EYS: variants seen among roughly 807,000 people sequenced by gnomAD.
The protein encoded by EYS is protein eyes shut homolog.
In EYS, 250 loss-of-function variants were observed where a neutral mutation model predicts 282.1. That is an observed-to-expected ratio of 0.89 (90% CI 0.80 to 0.98). The LOEUF (loss-of-function observed/expected upper bound fraction) is 0.98, where lower values mean the gene tolerates loss of function less well. EYS is among the 50% of genes least tolerant of loss of function. The pLI is 0.00. For synonymous variants in EYS, 1,355 were observed against 1,282.9 expected (o/e 1.06, Z -1.20); for missense variants, 4,016 against 3,709.0 (o/e 1.08, Z -2.15).
At chr6:64,019,674 G>T (rs1394767346) in intron 33 of EYS, among the ~76,000 whole-genome samples, 3 of 151,946 alleles carry the variant, frequency 2.0e-5, no homozygotes, top group African/African-American at 7.2e-5. Context: ...CTCTCAAAGT[G>T]CTGGGATTAC....
At chr6:64,294,460 A>G (rs1261530588) in intron 30 of EYS, among the ~76,000 whole-genome samples, 5 of 152,252 alleles carry the variant, frequency 3.3e-5, no homozygotes, top group Admixed American at 1.3e-4. Flanking sequence ...TCTCAATAAC[A>G]GAACCTCAGT....
At chr6:63,915,602 CAA>C (rs1764402320) in intron 35 of EYS, among the ~76,000 whole-genome samples, 1 of 152,172 alleles carries the variant, frequency 6.6e-6, no homozygotes, top group African/African-American at 2.4e-5. Context: ...ATGGACTAGG[CAA>C]AGTCAGTTGA....
chr6:64,700,219 C>G (rs1374386906), intron 22 of EYS, among the ~76,000 whole-genome samples: 1 of 151,768 alleles, frequency 6.6e-6, no homozygotes, highest in Non-Finnish European at 1.5e-5. Flanking sequence ...AACCAGACAT[C>G]AAAATAACAT....
chr6:64,249,518 C>T (rs1470036011), intron 30 of EYS, among the ~76,000 whole-genome samples: 2 of 151,956 alleles, frequency 1.3e-5, no homozygotes, highest in African/African-American at 4.8e-5. Context: ...TGCTTGTACT[C>T]CATACATTTA....
Position 63,993,258 on chromosome 6 carries a change from T to C in EYS, c.6834+5817A>G, listed in dbSNP as rs117973966. Among the ~76,000 whole-genome samples the C allele has an allele frequency of 1.2e-4, 18 of 151,830 alleles. No homozygotes were observed. The East Asian group carries it at 3.5e-3, about 29-fold the overall frequency. On this transcript the variant is annotated intron_variant, in intron 34 of 42. Coordinates refer to ENST00000503581, the MANE Select transcript of EYS (RefSeq NM_001142800.2). ...TTCAAGTTGAGGAACAAGATAAGGA[T>C]GCCCACTCACTGCTTTTATTGAGCA...
chr6:65,438,995 A>G (rs555100475), intron 5 of EYS, among the ~76,000 whole-genome samples: 4 of 152,190 alleles, frequency 2.6e-5, no homozygotes, highest in Admixed American at 6.6e-5. Flanking sequence ...TAGGTCTAAC[A>G]TTTAAGTCTT....
intron 15 of EYS, 42 bp from the exon 16 acceptor site, chr6:64,912,785 T>G (rs1241427540): frequency 1.6e-6 from 2 of 1,271,206 alleles, no homozygotes; most frequent in Non-Finnish European, 2.1e-6. Flanking sequence ...TGAACTCTTT[T>G]TCAAGTTTAT....
chr6:64,852,929 C>T (rs1414897611), intron 19 of EYS, among the ~76,000 whole-genome samples: 1 of 152,102 alleles, frequency 6.6e-6, no homozygotes, highest in Non-Finnish European at 1.5e-5. Flanking sequence ...TTTTAAATCA[C>T]CCAGTTTCTG....
chr6:64,166,474 A>G (rs758129330), intron 31 of EYS, among the ~76,000 whole-genome samples: 19 of 152,176 alleles, frequency 1.2e-4, no homozygotes, highest in Non-Finnish European at 2.4e-4. Flanking sequence ...ACTTCAATCA[A>G]TAGGGTATTT....
At chr6:64,232,111 T>C (rs1203619436) in intron 30 of EYS, among the ~76,000 whole-genome samples, 1 of 152,106 alleles carries the variant, frequency 6.6e-6, no homozygotes, top group Non-Finnish European at 1.5e-5. Context: ...TACTGATACA[T>C]TAATGTGCAG....
At chr6:64,109,459 G>T (rs1011815940) in intron 31 of EYS, among the ~76,000 whole-genome samples, 3 of 151,790 alleles carry the variant, frequency 2.0e-5, no homozygotes, top group Non-Finnish European at 2.9e-5. Flanking sequence ...ATAATTTTTA[G>T]TTTGCTATAT....
intron 30 of EYS, among the ~76,000 whole-genome samples, chr6:64,283,807 A>G (rs1768396182): frequency 6.6e-6 from 1 of 152,116 alleles, no homozygotes; most frequent in Non-Finnish European, 1.5e-5. Context: ...GGTGGTGGCA[A>G]GAGAAAATAA....
intron 32 of EYS, among the ~76,000 whole-genome samples, chr6:64,071,238 T>C (rs1037206578): frequency 1.3e-4 from 20 of 151,926 alleles, no homozygotes; most frequent in Admixed American, 1.2e-3. Flanking sequence ...GAGAAAATAA[T>C]TTAATATTTA....
chr6:65,442,836 A>G (rs1486539432), intron 5 of EYS, among the ~76,000 whole-genome samples: 1 of 101,660 alleles, frequency 9.8e-6, no homozygotes, highest in Non-Finnish European at 2.5e-5. Context: ...ACATATATAC[A>G]TACATATACA....
chr6:64,643,541 G>A (rs1222317842), intron 22 of EYS, among the ~76,000 whole-genome samples: 1 of 152,048 alleles, frequency 6.6e-6, no homozygotes, highest in Non-Finnish European at 1.5e-5. Flanking sequence ...GTAGGGAAGT[G>A]TGTGGTGTTA....
At chr6:64,348,941 A>G (rs1771516051) in intron 29 of EYS, among the ~76,000 whole-genome samples, 1 of 151,462 alleles carries the variant, frequency 6.6e-6, no homozygotes, top group East Asian at 2.0e-4. Context: ...TACATCCTGT[A>G]GTTTTACCCA....
At chr6:65,132,490 G>A (rs1775906204) in intron 12 of EYS, among the ~76,000 whole-genome samples, 1 of 151,840 alleles carries the variant, frequency 6.6e-6, no homozygotes, top group Non-Finnish European at 1.5e-5. Context: ...ATGCATAAAA[G>A]GCTTTCAATA....
intron 8 of EYS, among the ~76,000 whole-genome samples, chr6:65,355,340 T>C (rs1353266801): frequency 6.6e-6 from 1 of 152,032 alleles, no homozygotes; most frequent in East Asian, 1.9e-4. Flanking sequence ...AAAAACCACC[T>C]GTACCCCCAA....
chr6:64,025,428 C>T (rs901913380), intron 33 of EYS, among the ~76,000 whole-genome samples: 5 of 152,154 alleles, frequency 3.3e-5, no homozygotes, highest in Non-Finnish European at 5.9e-5. Flanking sequence ...CTATCCTGAC[C>T]CTTGCCCCTT....
Sources: gnomAD v4.1 joint callset for allele counts (sites outside exome capture counted in the v4.1 genomes callset) on GRCh38, gnomAD v4.1.1 for gene constraint, MANE v1.5 for transcripts, NCBI Gene and HGNC (gene_info 2026-07-23, HGNC 2026-07-21) for gene names.